The following CHRM3 variants were observed in gnomAD, a reference collection of about 807,000 sequenced individuals.
CHRM3 encodes cholinergic receptor muscarinic 3.
A neutral mutation model predicts 41.8 loss-of-function variants in CHRM3; 11 were observed. The ratio of observed to expected loss-of-function variants is 0.26; its 90% CI spans 0.17 to 0.44. CHRM3 has a LOEUF of 0.44. Ranked by LOEUF, CHRM3 falls within the 20% of genes least tolerant of loss-of-function variation. The probability of loss-of-function intolerance (pLI) is 1.00; values close to 1 mark genes in which losing one functional copy is unlikely to be tolerated. For missense variants in CHRM3, 571 were observed against 745.4 expected (o/e 0.77, Z 2.72); for synonymous variants, 297 against 301.4 (o/e 0.99, Z 0.15).
At chr1:239,899,914 GC>G (rs142864940) in intron 6 of CHRM3, 7,478 of 152,232 alleles carry the variant, frequency 0.049, 627 homozygotes, top group African/African-American at 0.17. Flanking sequence ...CCCCTGGTCT[GC>G]CCCTATCTGA....
chr1:239,550,322 A>G (rs1350480742), intron 3 of CHRM3, among the ~76,000 whole-genome samples: 1 of 152,142 alleles, frequency 6.6e-6, no homozygotes, highest in Non-Finnish European at 1.5e-5. Flanking sequence ...GTGCATGCCT[A>G]TATTATAAAT....
intron 5 of CHRM3, among the ~76,000 whole-genome samples, chr1:239,758,643 CTTGT>C (rs1217748059): frequency 1.3e-5 from 2 of 152,118 alleles, no homozygotes; most frequent in East Asian, 1.9e-4. Flanking sequence ...AAAAAATTGG[CTTGT>C]TTATCAAAAG....
intron 6 of CHRM3, among the ~76,000 whole-genome samples, chr1:239,861,457 A>T (rs1675634706): frequency 6.6e-6 from 1 of 152,112 alleles, no homozygotes; most frequent in African/African-American, 2.4e-5. Flanking sequence ...GTAAAAAAGA[A>T]ACATGACCAG....
chr1:239,587,516 A>C (rs1402768796), intron 3 of CHRM3, among the ~76,000 whole-genome samples: 1 of 152,220 alleles, frequency 6.6e-6, no homozygotes, highest in African/African-American at 2.4e-5. Flanking sequence ...AGGCAAGAAC[A>C]TCAGGAAGCA....
chr1:239,859,278 T>C (rs911389652), intron 6 of CHRM3, among the ~76,000 whole-genome samples: 1 of 152,174 alleles, frequency 6.6e-6, no homozygotes, highest in Non-Finnish European at 1.5e-5. Context: ...TTTGTTTCTA[T>C]TTGGTTTTTA....
chr1:239,530,181 G>T (rs1053487839), intron 2 of CHRM3, among the ~76,000 whole-genome samples: 2 of 152,108 alleles, frequency 1.3e-5, no homozygotes, highest in Non-Finnish European at 2.9e-5. Flanking sequence ...GGGATTACAG[G>T]CGTGAGCCAC....
chr1:239,908,065 T>G lies in CHRM3; in HGVS notation c.614T>G (p.Leu205Trp). 6.2e-7 allele frequency: 1 copy of G among 1,614,210 alleles called. No individual in the cohort carries two copies. The highest frequency in any genetic ancestry group is 8.5e-7 in the Non-Finnish European group (1 of 1,180,040). Reference protein sequence around the residue: ...ISFVLWAPAILFWQYFVGKRT... With the variant: ...ISFVLWAPAIWFWQYFVGKRT... ...TTTGTCCTTTGGGCTCCTGCCATCT[T>G]GTTCTGGCAATACTTTGTTGGAAAG... Residue 205 changes from leucine (L) to tryptophan (W), a missense_variant, in exon 7 of 7, where the codon TTG becomes TGG. Physicochemically the swap from Leu to Trp is moderately conservative, Grantham distance 61. This residue lies in a region of CHRM3 where 153 missense variants were observed against 296.3 expected (regional missense o/e 0.52). Coordinates refer to ENST00000676153, the MANE Select transcript of CHRM3 (RefSeq NM_001375978.1). This position sits in a 1 kb window ranked among gnomAD's most constrained non-coding sequence, Gnocchi z 7.2.
chr1:239,784,691 A>G (rs1668757652), intron 5 of CHRM3, among the ~76,000 whole-genome samples: 3 of 152,024 alleles, frequency 2.0e-5, no homozygotes. Context: ...TTTTACCTTT[A>G]TTTATTCTTT....
At chr1:239,899,233 A>G (rs72760736) in intron 6 of CHRM3, among the ~76,000 whole-genome samples, 7,021 of 149,120 alleles carry the variant, frequency 0.047, 182 homozygotes, top group Non-Finnish European at 0.061. Flanking sequence ...TTCTTTTTTA[A>G]TTCTCATATT....
intron 3 of CHRM3, among the ~76,000 whole-genome samples, chr1:239,555,146 G>T (rs1460306810): frequency 6.6e-6 from 1 of 152,142 alleles, no homozygotes; most frequent in Non-Finnish European, 1.5e-5. Flanking sequence ...ACTGAAGAGT[G>T]GTTATGAGGG....
intron 4 of CHRM3, among the ~76,000 whole-genome samples, chr1:239,658,845 T>C (rs2149000476): frequency 6.6e-6 from 1 of 152,094 alleles, no homozygotes; most frequent in South Asian, 2.1e-4. Context: ...TTCAAGCGAT[T>C]CTCCCACCTC....
intron 3 of CHRM3, among the ~76,000 whole-genome samples, chr1:239,566,044 A>C (rs1661335131): frequency 6.7e-6 from 1 of 150,166 alleles, no homozygotes; most frequent in South Asian, 2.1e-4. Flanking sequence ...CCTCCAGAGT[A>C]GTTGGGACTA....
intron 3 of CHRM3, among the ~76,000 whole-genome samples, chr1:239,618,672 G>C (rs186861325): frequency 2.1e-4 from 32 of 150,908 alleles, no homozygotes; most frequent in Non-Finnish European, 4.1e-4. Flanking sequence ...GTGAAACCCC[G>C]TCTCTACTAA....
intron 5 of CHRM3, among the ~76,000 whole-genome samples, chr1:239,691,287 C>A (rs927836020): frequency 1.3e-5 from 2 of 152,026 alleles, no homozygotes; most frequent in Non-Finnish European, 2.9e-5. Context: ...CTGGTAAGTG[C>A]AGTGAAGAAC....
At chr1:239,568,012 G>A (rs1661507341) in intron 3 of CHRM3, among the ~76,000 whole-genome samples, 2 of 152,114 alleles carry the variant, frequency 1.3e-5, no homozygotes, top group South Asian at 4.2e-4. Flanking sequence ...TCTCCTGGCA[G>A]CCTGTCAGAC....
At chr1:239,772,529 A>G (rs916281630) in intron 5 of CHRM3, among the ~76,000 whole-genome samples, 14 of 152,162 alleles carry the variant, frequency 9.2e-5, no homozygotes, top group African/African-American at 3.4e-4. Context: ...GTAATGAATC[A>G]TCTCCCCAGA....
chr1:239,817,315 G>T, intron 5 of CHRM3, among the ~76,000 whole-genome samples: 1 of 152,160 alleles, frequency 6.6e-6, no homozygotes, highest in East Asian at 1.9e-4. Context: ...ATCCAGGCTA[G>T]CTCTTCCTTC....
chr1:239,742,799 G>A (rs1323422126), intron 5 of CHRM3, among the ~76,000 whole-genome samples: 1 of 152,180 alleles, frequency 6.6e-6, no homozygotes. Context: ...ACAAGAGCCT[G>A]GTGTCATTTA....
At chr1:239,773,048 T>A (rs936669879) in intron 5 of CHRM3, among the ~76,000 whole-genome samples, 1 of 152,202 alleles carries the variant, frequency 6.6e-6, no homozygotes, top group Non-Finnish European at 1.5e-5. Context: ...TGTTTTGAGA[T>A]TCTTAGTGAT....
Sources: allele counts gnomAD v4.1 joint callset (sites outside exome capture counted in the v4.1 genomes callset), GRCh38; gene constraint gnomAD v4.1.1; regional missense constraint gnomAD v4.1.1; non-coding constraint Gnocchi (gnomAD v3.1); transcripts MANE v1.5; gene names NCBI Gene and HGNC (gene_info 2026-07-23, HGNC 2026-07-21).